The following COL22A1 variants were observed in gnomAD, a reference collection of about 807,000 sequenced individuals.
COL22A1 encodes collagen type XXII alpha 1 chain.
A neutral mutation model predicts 248.9 loss-of-function variants in COL22A1; 221 were observed. The observed-to-expected ratio is 0.89, with a 90% CI of 0.80 to 0.99. The LOEUF (loss-of-function observed/expected upper bound fraction) is 0.99. Ranked by LOEUF, COL22A1 falls within the 50% of genes least tolerant of loss-of-function variation. The pLI, the probability that COL22A1 is intolerant of heterozygous loss-of-function variation, is 0.00. For synonymous variants in COL22A1, 891 were observed against 793.4 expected (o/e 1.12, Z -2.07); for missense variants, 2,240 against 2,179.0 (o/e 1.03, Z -0.56).
chr8:138,775,867 T>TAC (rs148348923), intron 16 of COL22A1, 99 bp downstream of exon 16: 30 of 1,145,066 alleles, frequency 2.6e-5, no homozygotes, highest in Admixed American at 1.0e-4. Context: ...CACAAATGTG[T>TAC]ACACACACAC....
intron 3 of COL22A1, among the ~76,000 whole-genome samples, chr8:138,867,722 T>C (rs1490880835): frequency 6.6e-6 from 1 of 152,236 alleles, no homozygotes; most frequent in Admixed American, 6.5e-5. Flanking sequence ...GCGTGTTCCC[T>C]CTGCTCTAGA....
intron 8 of COL22A1, 119 bp from the exon 9 acceptor site, chr8:138,812,040 A>C: frequency 2.5e-6 from 3 of 1,206,304 alleles, no homozygotes; most frequent in Non-Finnish European, 2.3e-6. Flanking sequence ...GAAAACGCTG[A>C]GGATGTCTCT....
intron 12 of COL22A1, among the ~76,000 whole-genome samples, chr8:138,792,051 C>CA (rs1816096851): frequency 6.6e-6 from 1 of 152,034 alleles, no homozygotes; most frequent in African/African-American, 2.4e-5. Flanking sequence ...CCCCCTTTAC[C>CA]AAATGTTCAG....
chr8:138,796,906 C>T (rs775353682), intron 11 of COL22A1, 49 bp from the exon 12 acceptor site: 3 of 1,218,490 alleles, frequency 2.5e-6, no homozygotes, highest in Middle Eastern at 1.9e-4. Context: ...ATCTCCATGG[C>T]ATGACATTGC....
intron 16 of COL22A1, among the ~76,000 whole-genome samples, chr8:138,774,241 C>G (rs879932517): frequency 6.6e-6 from 1 of 152,012 alleles, no homozygotes; most frequent in Admixed American, 6.6e-5. Flanking sequence ...GAGGCCAGTC[C>G]CCGCCTCCCT....
intron 34 of COL22A1, among the ~76,000 whole-genome samples, chr8:138,694,133 C>T (rs1827303063): frequency 6.6e-6 from 1 of 152,208 alleles, no homozygotes; most frequent in Non-Finnish European, 1.5e-5. Flanking sequence ...ACTGCCACTC[C>T]ATGACTGGGA....
At chr8:138,896,903 G>A (rs1415203761) in intron 1 of COL22A1, among the ~76,000 whole-genome samples, 1 of 151,946 alleles carries the variant, frequency 6.6e-6, no homozygotes, top group Non-Finnish European at 1.5e-5. Context: ...AACTCGGGAG[G>A]CAGAGGTTAC....
chr8:138,659,341 C>A (rs1823586200), intron 44 of COL22A1, among the ~76,000 whole-genome samples: 1 of 152,148 alleles, frequency 6.6e-6, no homozygotes, highest in South Asian at 2.1e-4. Context: ...GTCATCCACA[C>A]CCACAGGGAC....
intron 6 of COL22A1, among the ~76,000 whole-genome samples, chr8:138,821,670 C>T (rs1218445866): frequency 6.6e-6 from 1 of 152,136 alleles, no homozygotes; most frequent in Non-Finnish European, 1.5e-5. Context: ...GGAATAATTG[C>T]ACTCATACAT....
At chr8:138,853,635 T>C (rs1262431814) in intron 3 of COL22A1, among the ~76,000 whole-genome samples, 2 of 152,170 alleles carry the variant, frequency 1.3e-5, no homozygotes, top group Non-Finnish European at 2.9e-5. Flanking sequence ...AGCTCATTAT[T>C]CCAAGGAGCT....
chr8:138,721,955 A>C, intron 26 of COL22A1, 81 bp downstream of exon 26: 5 of 1,082,556 alleles, frequency 4.6e-6, no homozygotes, highest in Non-Finnish European at 4.2e-6. Context: ...GACTTGTTGT[A>C]GAATTCACCA....
chr8:138,833,071 C>A lies in COL22A1; in HGVS notation c.813G>T (p.Arg271=). The A allele has an allele frequency of 1.2e-6, 2 of 1,613,532 alleles. No individual in the cohort carries two copies. Among genetic ancestry groups the A allele is most frequent in the Non-Finnish European group, 1.7e-6 (2 of 1,179,456 alleles). ...TTTGCACCACAGGGAAGGATCCCAT[C>A]CGTACATAGGAACTCTGAGCTCCAT... The part of the protein sequence containing the change: ...RENGAQSSYV[R]MGSFPVVQST... The change falls in exon 5 of 65, where the codon CGG becomes CGT. Residue 271 remains arginine (R), a synonymous_variant. Coordinates refer to ENST00000303045, the MANE Select transcript of COL22A1 (RefSeq NM_152888.3).
chr8:138,817,895 C>G (rs935571371), intron 7 of COL22A1, among the ~76,000 whole-genome samples: 3 of 152,128 alleles, frequency 2.0e-5, no homozygotes, highest in Non-Finnish European at 4.4e-5. Context: ...ACCAGAGAGG[C>G]TATAGGGGAG....
intron 41 of COL22A1, among the ~76,000 whole-genome samples, chr8:138,675,690 CAGA>C (rs1825451422): frequency 6.6e-6 from 1 of 152,086 alleles, no homozygotes; most frequent in African/African-American, 2.4e-5. Flanking sequence ...ACGGACTAAA[CAGA>C]AGAATAGGCT....
chr8:138,697,491 G>A (rs930851245), intron 32 of COL22A1, among the ~76,000 whole-genome samples: 1 of 152,100 alleles, frequency 6.6e-6, no homozygotes, highest in East Asian at 1.9e-4. Context: ...TCCAGCAAAG[G>A]TTCTGACATC....
At chr8:138,841,713 T>C (rs1301344995) in intron 4 of COL22A1, among the ~76,000 whole-genome samples, 2 of 151,988 alleles carry the variant, frequency 1.3e-5, no homozygotes, top group African/African-American at 4.8e-5. Flanking sequence ...GTGCTGGAGG[T>C]TGACATGCTG....
intron 24 of COL22A1, 152 bp downstream of exon 24, chr8:138,725,235 C>T (rs888229629): frequency 7.6e-5 from 62 of 816,908 alleles, no homozygotes; most frequent in Middle Eastern, 3.3e-4. Context: ...CAGAAGCTGG[C>T]GGTTCTACGT....
intron 23 of COL22A1, among the ~76,000 whole-genome samples, chr8:138,729,833 G>A (rs892862320): frequency 6.6e-6 from 1 of 152,072 alleles, no homozygotes; most frequent in Non-Finnish European, 1.5e-5. Context: ...TAGAGCAGCC[G>A]CCTCGCCTTG....
At chr8:138,658,942 C>T (rs1050292735) in intron 44 of COL22A1, among the ~76,000 whole-genome samples, 3 of 152,034 alleles carry the variant, frequency 2.0e-5, no homozygotes, top group Admixed American at 1.3e-4. Flanking sequence ...TGCTGACCGC[C>T]TGAGAGACAA....
Sources: gnomAD v4.1 joint callset for allele counts (sites outside exome capture counted in the v4.1 genomes callset) on GRCh38, gnomAD v4.1.1 for gene constraint, MANE v1.5 for transcripts, NCBI Gene and HGNC (gene_info 2026-07-23, HGNC 2026-07-21) for gene names.